SENP7: variants seen among roughly 807,000 people sequenced by gnomAD.
The protein encoded by SENP7 is sentrin-specific protease 7.
In SENP7, 64 loss-of-function variants were observed where a neutral mutation model predicts 141.2. That is an observed-to-expected ratio of 0.45 (90% CI 0.37 to 0.56). SENP7 has a LOEUF of 0.56. SENP7 is among the 20% of genes least tolerant of loss of function. The pLI is 0.00. For synonymous variants in SENP7, 382 were observed against 426.4 expected, an observed-to-expected ratio of 0.90 and a Z score of 1.28; for missense variants, 1,025 against 1,212.2, an observed-to-expected ratio of 0.85 and a Z score of 2.29.
chr3:101,332,696 A>T (rs1277747336), intron 18 of SENP7, 74 bp downstream of exon 18: 2 of 959,380 alleles, frequency 2.1e-6, no homozygotes, highest in Non-Finnish European at 2.9e-6. Flanking sequence ...TTTACTGATT[A>T]TGAATCTAAA....
intron 4 of SENP7, among the ~76,000 whole-genome samples, chr3:101,456,941 TTTTTGTTTTGTTTTGTTTTGTTTTG>T (rs57842838): frequency 6.7e-6 from 1 of 150,242 alleles, no homozygotes; most frequent in Non-Finnish European, 1.5e-5. Flanking sequence ...TGATATAAGC[TTTTTGTTTTGTTTTGTTTTGTTTTG>T]TTTTGTTTTG....
intron 6 of SENP7, among the ~76,000 whole-genome samples, chr3:101,391,450 A>G (rs2107544806): frequency 6.6e-6 from 1 of 152,264 alleles, no homozygotes; most frequent in Non-Finnish European, 1.5e-5. Context: ...ATTAGAGGAT[A>G]TTATGAACAA....
intron 4 of SENP7, among the ~76,000 whole-genome samples, chr3:101,446,343 C>T (rs943221262): frequency 6.6e-6 from 1 of 152,176 alleles, no homozygotes. Context: ...TGGACTAATA[C>T]ACTCTCTTTG....
intron 3 of SENP7, among the ~76,000 whole-genome samples, chr3:101,468,974 C>G (rs1399802585): frequency 6.6e-6 from 1 of 152,060 alleles, no homozygotes; most frequent in Non-Finnish European, 1.5e-5. Flanking sequence ...AGACCCATCT[C>G]ACATGCAAAG....
intron 7 of SENP7, among the ~76,000 whole-genome samples, chr3:101,368,623 C>A (rs1182556231): frequency 1.3e-5 from 2 of 150,700 alleles, no homozygotes; most frequent in Non-Finnish European, 3.0e-5. Flanking sequence ...AGGAGATATA[C>A]CTAATGTGAA....
At chr3:101,361,326 C>A (rs1247978641) in intron 11 of SENP7, among the ~76,000 whole-genome samples, 1 of 151,938 alleles carries the variant, frequency 6.6e-6, no homozygotes. Flanking sequence ...AGGATTAGTT[C>A]CTGGATATCC....
At chr3:101,412,089 A>C (rs1023802524) in intron 5 of SENP7, among the ~76,000 whole-genome samples, 2 of 152,160 alleles carry the variant, frequency 1.3e-5, no homozygotes, top group African/African-American at 4.8e-5. Context: ...GAGGAACTAG[A>C]AAGAGCTATT....
intron 6 of SENP7, among the ~76,000 whole-genome samples, chr3:101,387,432 AC>A (rs776499901): frequency 4.6e-5 from 7 of 152,142 alleles, no homozygotes; most frequent in Non-Finnish European, 8.8e-5. Flanking sequence ...GATTAATCCA[AC>A]CCACCCATTA....
chr3:101,482,765 T>A lies in SENP7; in HGVS notation c.186+11108A>T, dbSNP rs7616166. On this transcript the variant is annotated intron_variant, in intron 3 of 23. Transcript: ENST00000394095. ...CTATCTTTTTATTTTTTTTAATAAATAGATCAAAGAAACAGAACATACAGC... is the reference window on the plus strand; with the variant it reads ...CTATCTTTTTATTTTTTTTAATAAAAAGATCAAAGAAACAGAACATACAGC... 7.0e-3 allele frequency among the ~76,000 whole-genome samples: 1,065 copies of A among 152,168 alleles called. 12 individuals are homozygous for A. The highest frequency in any genetic ancestry group is 0.024 in the African/African-American group (1,010 of 41,494).
At chr3:101,396,393 A>G (rs754374013) in intron 6 of SENP7, among the ~76,000 whole-genome samples, 27 of 152,164 alleles carry the variant, frequency 1.8e-4, no homozygotes, top group Non-Finnish European at 3.5e-4. Flanking sequence ...GTGCACTGAC[A>G]TCATCTGAGT....
rs558270879 is a variant in SENP7 at position 101,444,438 on chromosome 3, C to T, written c.284+14517G>A. On this transcript the variant is annotated intron_variant, in intron 4 of 23. Transcript: ENST00000394095. ...AATCAAGCTGATATAAAGACACATG[C>T]ACACGTATGTTTATTGCGGCATTAT... Among the ~76,000 whole-genome samples, 67 of 152,140 alleles carry T rather than the reference C, an allele frequency of 4.4e-4. 1 individual carries two copies. Among genetic ancestry groups the T allele is most frequent in the Middle Eastern group, 6.8e-3 (2 of 294 alleles).
At chr3:101,401,205 G>A (rs955577580) in intron 5 of SENP7, among the ~76,000 whole-genome samples, 1 of 152,094 alleles carries the variant, frequency 6.6e-6, no homozygotes, top group African/African-American at 2.4e-5. Context: ...AGTTGTGAAT[G>A]AGAAAGAATA....
intron 3 of SENP7, among the ~76,000 whole-genome samples, chr3:101,472,703 T>C (rs144072042): frequency 2.0e-5 from 3 of 152,056 alleles, no homozygotes; most frequent in Admixed American, 1.3e-4. Context: ...AATAAAAGAA[T>C]AGAGAAATAG....
intron 4 of SENP7, among the ~76,000 whole-genome samples, chr3:101,445,157 T>C (rs2062841396): frequency 6.6e-6 from 1 of 152,072 alleles, no homozygotes; most frequent in African/African-American, 2.4e-5. Flanking sequence ...AAAAACTTTC[T>C]AGGCCAGGAG....
At chr3:101,483,509 T>TG (rs1290348075) in intron 3 of SENP7, among the ~76,000 whole-genome samples, 2 of 152,128 alleles carry the variant, frequency 1.3e-5, no homozygotes, top group Non-Finnish European at 2.9e-5. Context: ...AACTAACTAT[T>TG]GGATACTATG....
At chr3:101,331,850 G>T in intron 19 of SENP7, 135 bp downstream of exon 19, 1 of 860,230 alleles carries the variant, frequency 1.2e-6, no homozygotes. Flanking sequence ...AAAAATTTCA[G>T]ATTTTTTATT....
At chr3:101,463,183 C>T (rs1298205835) in intron 3 of SENP7, among the ~76,000 whole-genome samples, 1 of 151,120 alleles carries the variant, frequency 6.6e-6, no homozygotes. Context: ...CTGATAAATA[C>T]AGTGAGACCC....
intron 4 of SENP7, among the ~76,000 whole-genome samples, chr3:101,439,492 G>C (rs2062555028): frequency 2.9e-5 from 1 of 35,034 alleles, no homozygotes; most frequent in Non-Finnish European, 5.6e-5. Flanking sequence ...CATCCGGGAG[G>C]GAGGTGGGGG....
chr3:101,391,856 C>T (rs185235176), intron 6 of SENP7, among the ~76,000 whole-genome samples: 1 of 152,198 alleles, frequency 6.6e-6, no homozygotes, highest in East Asian at 1.9e-4. Flanking sequence ...CAGAATCCAA[C>T]CACACATCAA....
Sources: gnomAD v4.1 joint callset for allele counts (sites outside exome capture counted in the v4.1 genomes callset) on GRCh38, gnomAD v4.1.1 for gene constraint, MANE v1.5 for transcripts, NCBI Gene and HGNC (gene_info 2026-07-23, HGNC 2026-07-21) for gene names.